Variants in ADGRV1 observed in about 807,000 individuals in gnomAD.
ADGRV1 encodes G-protein coupled receptor 98.
ADGRV1 carries 359 observed loss-of-function variants against 596.2 expected under a neutral mutation model. The observed-to-expected ratio is 0.60, with a 90% CI of 0.55 to 0.66. The LOEUF (loss-of-function observed/expected upper bound fraction) is 0.66, where lower values mean the gene tolerates loss of function less well. Among genes scored for constraint, ADGRV1 ranks in the 30% least tolerant of loss-of-function variants. ADGRV1 has a pLI of 0.00. For missense variants in ADGRV1, 7,274 were observed against 7,575.6 expected (o/e 0.96, Z 1.48); for synonymous variants, 2,681 against 2,679.2 (o/e 1.00, Z -0.02).
intron 77 of ADGRV1, among the ~76,000 whole-genome samples, chr5:90,830,689 A>G (rs1264995228): frequency 6.6e-6 from 1 of 152,150 alleles, no homozygotes. Context: ...GGAACAATAT[A>G]TTTTTAGGAA....
At chr5:91,150,323 C>G (rs1333258824) in intron 88 of ADGRV1, 102 bp downstream of exon 88, 5 of 888,710 alleles carry the variant, frequency 5.6e-6, no homozygotes, top group African/African-American at 1.7e-5. Flanking sequence ...TTGACAGGCT[C>G]TCCACCTCAT....
At chr5:90,858,944 C>T (rs958118632) in intron 82 of ADGRV1, among the ~76,000 whole-genome samples, 1 of 152,116 alleles carries the variant, frequency 6.6e-6, no homozygotes, top group African/African-American at 2.4e-5. Flanking sequence ...TAAAAAGCCA[C>T]CCAAAATGTT....
chr5:90,681,573 A>G (rs1001293864), intron 27 of ADGRV1, 119 bp downstream of exon 27: 21 of 958,906 alleles, frequency 2.2e-5, no homozygotes, highest in Admixed American at 6.1e-5. Context: ...GAATGAGCCT[A>G]TTGGCACAGG....
chr5:90,802,027 A>G (rs1229182224), intron 70 of ADGRV1, among the ~76,000 whole-genome samples: 4 of 152,300 alleles, frequency 2.6e-5, no homozygotes, highest in South Asian at 2.1e-4. Flanking sequence ...AAATTATTCA[A>G]TGAGGAGGAG....
intron 85 of ADGRV1, among the ~76,000 whole-genome samples, chr5:91,022,172 A>G (rs564035237): frequency 6.6e-6 from 1 of 152,240 alleles, no homozygotes; most frequent in South Asian, 2.1e-4. Flanking sequence ...AAAATAGCAT[A>G]ATCATTATCT....
At chr5:90,575,487 TACAA>T (rs1319532837) in intron 1 of ADGRV1, among the ~76,000 whole-genome samples, 1 of 152,094 alleles carries the variant, frequency 6.6e-6, no homozygotes, top group African/African-American at 2.4e-5. Context: ...GATATTTTAA[TACAA>T]AGGAAGTAGT....
intron 64 of ADGRV1, 69 bp from the exon 65 acceptor site, chr5:90,781,361 T>A (rs1581103159): frequency 8.5e-7 from 1 of 1,170,926 alleles, no homozygotes; most frequent in East Asian, 2.5e-5. Context: ...TTTTAATTCA[T>A]GCTATGCAAT....
At chr5:90,773,494 AC>A (rs1438632447) in intron 59 of ADGRV1, among the ~76,000 whole-genome samples, 7 of 152,198 alleles carry the variant, frequency 4.6e-5, no homozygotes, top group African/African-American at 1.7e-4. Flanking sequence ...GAAACAATGT[AC>A]TATGAGAAAG....
At chr5:90,722,338 A>C (rs1196826688) in intron 45 of ADGRV1, among the ~76,000 whole-genome samples, 6 of 152,088 alleles carry the variant, frequency 3.9e-5, no homozygotes, top group Non-Finnish European at 8.8e-5. Context: ...TATTTTAGTA[A>C]GGGGAGTAAA....
Position 90,620,141 on chromosome 5 carries a change from A to G in ADGRV1, c.453+960A>G, listed in dbSNP as rs187014968. Among the ~76,000 whole-genome samples the G allele has an allele frequency of 3.0e-3, 457 of 152,162 alleles. 1 individual carries two copies. The highest frequency in any genetic ancestry group is 9.9e-3 in the African/African-American group (411 of 41,506). ...AGTAATGGGATGGCTGGGTCAAATG[A>G]TATTTCTAGTTCTAGATCTCTGAGG... is the stretch of plus-strand genomic sequence containing the variant. On this transcript the variant is annotated intron_variant, in intron 4 of 89. Coordinates refer to ENST00000405460, the MANE Select transcript of ADGRV1 (RefSeq NM_032119.4).
rs1554081484 is a variant in ADGRV1 at position 90,683,628 on chromosome 5, T to A, written c.5707T>A (p.Trp1903Arg). Reference sequence around the variant, plus strand: ...AACTCTGTCTCCAGTGACTTTGCATTGGAACATAGACTCTGATCCTGATGG... The same window carrying A: ...AACTCTGTCTCCAGTGACTTTGCATAGGAACATAGACTCTGATCCTGATGG... Reference protein sequence around the residue: ...HGTLSPVTLHWNIDSDPDGDL... With the variant: ...HGTLSPVTLHRNIDSDPDGDL... The change falls in exon 28 of 90, where the codon TGG becomes AGG. Residue 1903 changes from tryptophan to arginine, a missense_variant. Trp to Arg is a moderately radical substitution (Grantham distance 101). Around this residue, in one of 5 missense-constraint regions of ADGRV1, gnomAD observed 3,643 missense variants for 3,809.2 expected, o/e 0.96. Transcript: ENST00000405460. 2 of 1,607,746 alleles carry A rather than the reference T, an allele frequency of 1.2e-6. No homozygotes were observed.
intron 83 of ADGRV1, among the ~76,000 whole-genome samples, chr5:90,941,438 G>A (rs1776161469): frequency 6.6e-6 from 1 of 152,190 alleles, no homozygotes; most frequent in African/African-American, 2.4e-5. Context: ...GGGCAAGAAG[G>A]TGATTATAGG....
At chr5:90,974,518 C>G (rs1316176776) in intron 84 of ADGRV1, among the ~76,000 whole-genome samples, 1 of 152,088 alleles carries the variant, frequency 6.6e-6, no homozygotes, top group Non-Finnish European at 1.5e-5. Context: ...ACCAATGGAA[C>G]AGAACAGAGC....
chr5:91,035,455 CTT>C (rs1784786679), intron 85 of ADGRV1, among the ~76,000 whole-genome samples: 1 of 152,072 alleles, frequency 6.6e-6, no homozygotes, highest in Admixed American at 6.5e-5. Context: ...TTTTTCAACT[CTT>C]TGCTTAACCC....
chr5:90,689,426 C>T (rs1413270353), intron 29 of ADGRV1, among the ~76,000 whole-genome samples: 1 of 147,778 alleles, frequency 6.8e-6, no homozygotes, highest in East Asian at 2.0e-4. Context: ...TCATGTCCAG[C>T]TGTATCATTG....
At chr5:91,091,008 A>G (rs1258557310) in intron 86 of ADGRV1, among the ~76,000 whole-genome samples, 1 of 152,060 alleles carries the variant, frequency 6.6e-6, no homozygotes, top group Non-Finnish European at 1.5e-5. Context: ...TGCATTTCTC[A>G]CCGTGGTTTG....
chr5:91,065,892 T>C (rs1787842224), intron 85 of ADGRV1, among the ~76,000 whole-genome samples: 1 of 152,178 alleles, frequency 6.6e-6, no homozygotes, highest in South Asian at 2.1e-4. Context: ...GACAAGACTT[T>C]GAAGTGAATT....
intron 85 of ADGRV1, among the ~76,000 whole-genome samples, chr5:91,053,289 C>T: frequency 6.6e-6 from 1 of 152,182 alleles, no homozygotes; most frequent in East Asian, 1.9e-4. Context: ...TCTCTAGGCC[C>T]TTTTTCTAAA....
intron 77 of ADGRV1, among the ~76,000 whole-genome samples, chr5:90,833,568 A>G: frequency 6.6e-6 from 1 of 152,192 alleles, no homozygotes; most frequent in South Asian, 2.1e-4. Context: ...TACAGGCATG[A>G]GCCACCATGC....
Sources: allele counts gnomAD v4.1 joint callset (sites outside exome capture counted in the v4.1 genomes callset), GRCh38; gene constraint gnomAD v4.1.1; regional missense constraint gnomAD v4.1.1; transcripts MANE v1.5; gene names NCBI Gene and HGNC (gene_info 2026-07-23, HGNC 2026-07-21).